Variants in MSRA observed in about 807,000 individuals in gnomAD.
The protein encoded by MSRA is methionine sulfoxide reductase A.
MSRA carries 54 observed loss-of-function variants against 31.3 expected under a neutral mutation model. That is an observed-to-expected ratio of 1.73 (90% confidence interval 1.39 to 2.17). The LOEUF is 2.17. Among genes scored for constraint, MSRA ranks in the 30% most tolerant of loss-of-function variants. The pLI is 0.00. For missense variants in MSRA, 507 were observed against 300.9 expected (o/e 1.69, Z -5.07); for synonymous variants, 169 against 116.5 (o/e 1.45, Z -2.90).
chr8:10,394,649 G>C (rs1806980950), intron 5 of MSRA, among the ~76,000 whole-genome samples: 1 of 152,240 alleles, frequency 6.6e-6, no homozygotes, highest in Admixed American at 6.5e-5. Context: ...GCTGCTGAGA[G>C]AAGGCACCAA....
intron 5 of MSRA, among the ~76,000 whole-genome samples, chr8:10,417,754 T>TGTGTGTGTGTGTGTG (rs1808557325): frequency 2.3e-5 from 3 of 129,842 alleles, no homozygotes; most frequent in South Asian, 2.5e-4. Flanking sequence ...AACCTGCATG[T>TGTGTGTGTGTGTGTG]TGTGTGTGTG....
intron 1 of MSRA, among the ~76,000 whole-genome samples, chr8:10,162,266 T>C (rs1804728799): frequency 6.6e-6 from 1 of 152,066 alleles, no homozygotes; most frequent in Non-Finnish European, 1.5e-5. Context: ...GTCTGGTGAG[T>C]GGTCAGACCC....
intron 5 of MSRA, among the ~76,000 whole-genome samples, chr8:10,412,163 C>A (rs1808196808): frequency 6.6e-6 from 1 of 152,232 alleles, no homozygotes; most frequent in Non-Finnish European, 1.5e-5. Context: ...AGCCCCTATA[C>A]AGTCATAAGG....
chr8:10,264,885 TG>T (rs1798667114), intron 3 of MSRA, among the ~76,000 whole-genome samples: 1 of 151,910 alleles, frequency 6.6e-6, no homozygotes, highest in Admixed American at 6.6e-5. Context: ...AATCGCAGGG[TG>T]GGGGTCAGGT....
intron 5 of MSRA, among the ~76,000 whole-genome samples, chr8:10,394,054 G>A (rs1423242001): frequency 6.6e-6 from 1 of 152,160 alleles, no homozygotes; most frequent in Non-Finnish European, 1.5e-5. Context: ...GTTAACTTTG[G>A]GTCTCTAGAG....
At chr8:10,112,322 CT>C (rs1002806205) in intron 1 of MSRA, among the ~76,000 whole-genome samples, 6 of 152,178 alleles carry the variant, frequency 3.9e-5, no homozygotes, top group African/African-American at 1.4e-4. Context: ...TCAACACCTA[CT>C]TTTTCTTAAA....
At chr8:10,309,999 C>G (rs146337882) in intron 4 of MSRA, among the ~76,000 whole-genome samples, 2 of 152,206 alleles carry the variant, frequency 1.3e-5, no homozygotes, top group African/African-American at 4.8e-5. Flanking sequence ...TCCTTCTGTT[C>G]CCCATCAACT....
At chr8:10,198,045 C>A (rs716171) in intron 1 of MSRA, among the ~76,000 whole-genome samples, 2 of 151,808 alleles carry the variant, frequency 1.3e-5, no homozygotes, top group Non-Finnish European at 2.9e-5. Context: ...GAAGAGAACA[C>A]GTAGTATTTT....
At chr8:10,356,569 A>C (rs1233625088) in intron 5 of MSRA, among the ~76,000 whole-genome samples, 2 of 152,176 alleles carry the variant, frequency 1.3e-5, no homozygotes, top group Admixed American at 1.3e-4. Context: ...TTTCACCCAC[A>C]AGGTGATGGG....
chr8:10,248,210 G>C (rs369427872), intron 3 of MSRA, among the ~76,000 whole-genome samples: 1 of 152,318 alleles, frequency 6.6e-6, no homozygotes, highest in African/African-American at 2.4e-5. Context: ...GTAAAACTTT[G>C]ATCACAATCC....
At chr8:10,260,241 A>C (rs1269950337) in intron 3 of MSRA, among the ~76,000 whole-genome samples, 1 of 152,122 alleles carries the variant, frequency 6.6e-6, no homozygotes, top group Non-Finnish European at 1.5e-5. Flanking sequence ...AAAAAGCTCC[A>C]CTTCTGGTTG....
At chr8:10,178,330 G>A (rs1296928312) in intron 1 of MSRA, among the ~76,000 whole-genome samples, 3 of 152,086 alleles carry the variant, frequency 2.0e-5, no homozygotes, top group Non-Finnish European at 4.4e-5. Flanking sequence ...TGGCTCATGT[G>A]TGTAATCTCA....
intron 5 of MSRA, among the ~76,000 whole-genome samples, chr8:10,377,754 AAACACCC>A (rs1359347116): frequency 1.3e-5 from 2 of 152,194 alleles, no homozygotes; most frequent in Non-Finnish European, 2.9e-5. Context: ...TTCACAGGGC[AAACACCC>A]TCTGGCAAGT....
intron 5 of MSRA, among the ~76,000 whole-genome samples, chr8:10,327,757 C>T (rs1802445206): frequency 6.6e-6 from 1 of 152,148 alleles, no homozygotes. Context: ...CAAGGTGAAA[C>T]CCCGTCTCTA....
At chr8:10,299,888 G>T (rs1261451571) in intron 3 of MSRA, among the ~76,000 whole-genome samples, 2 of 152,166 alleles carry the variant, frequency 1.3e-5, no homozygotes, top group African/African-American at 4.8e-5. Flanking sequence ...ATATAACTAA[G>T]GCTTGAGGCA....
chr8:10,366,875 C>T (rs912036122), intron 5 of MSRA, among the ~76,000 whole-genome samples: 5 of 152,116 alleles, frequency 3.3e-5, no homozygotes, highest in South Asian at 2.1e-4. Context: ...TGCCAGACCA[C>T]GCTGTTGCCT....
At chr8:10,244,483 C>A (rs74830580) in intron 2 of MSRA, among the ~76,000 whole-genome samples, 4 of 152,148 alleles carry the variant, frequency 2.6e-5, no homozygotes, top group African/African-American at 9.7e-5. Context: ...CATTCTCTCC[C>A]TGCCTCCCTT....
chr8:10,384,424 C>T (rs947467526), intron 5 of MSRA, among the ~76,000 whole-genome samples: 2 of 152,216 alleles, frequency 1.3e-5, no homozygotes, highest in Non-Finnish European at 2.9e-5. Context: ...CCACACGAAG[C>T]CTCTTGAGGT....
intron 1 of MSRA, among the ~76,000 whole-genome samples, chr8:10,175,046 G>A (rs1805925928): frequency 6.6e-6 from 1 of 152,010 alleles, no homozygotes; most frequent in African/African-American, 2.4e-5. Flanking sequence ...TGATCTACCC[G>A]AACATGATTC....
Sources: allele counts gnomAD v4.1 joint callset (sites outside exome capture counted in the v4.1 genomes callset), GRCh38; gene constraint gnomAD v4.1.1; transcripts MANE v1.5; gene names NCBI Gene and HGNC (gene_info 2026-07-23, HGNC 2026-07-21).